The following CCDC73 variants were observed in gnomAD, a reference collection of about 807,000 sequenced individuals.
The protein encoded by CCDC73 is coiled-coil domain-containing protein 73.
In CCDC73, 95 loss-of-function variants were observed where a neutral mutation model predicts 116.5. The ratio of observed to expected loss-of-function variants is 0.82; its 90% confidence interval spans 0.69 to 0.97. The LOEUF (loss-of-function observed/expected upper bound fraction) is 0.97. Among genes scored for constraint, CCDC73 ranks in the 50% least tolerant of loss-of-function variants. The probability of loss-of-function intolerance (pLI) is 0.00; values close to 1 mark genes in which losing one functional copy is unlikely to be tolerated. For synonymous variants in CCDC73, 398 were observed against 401.3 expected (o/e 0.99, Z 0.10); for missense variants, 1,066 against 1,206.8 (o/e 0.88, Z 1.73).
At chr11:32,825,895 A>T in the CCDC73 span, among the ~76,000 whole-genome samples, 2 of 152,174 alleles carry the variant, frequency 1.3e-5, no homozygotes, top group Admixed American at 1.3e-4. Context: ...CAGCCATGAC[A>T]CAAGTCCCTG....
In CCDC73 at chr11:32,616,088, A is replaced by C; in HGVS notation, c.1227T>G (p.Thr409=). The stretch of plus-strand genomic sequence containing the variant: ...GTATAATGGTGTTTTCTGATTTTTC[A>C]GTTGACATTTCACTGTTTTCATTAT... ...EVNNENSEMS[T]EKSENTIIQK... is the part of the protein sequence containing the mutation. The change falls in exon 15 of 18, where the codon ACT becomes ACG. Residue 409 remains threonine, a synonymous_variant. Coordinates refer to ENST00000335185, the MANE Select transcript of CCDC73 (RefSeq NM_001008391.4). 6.3e-7 allele frequency: 1 copy of C among 1,583,984 alleles called. No individual in the cohort carries two copies. The highest frequency in any genetic ancestry group is 1.2e-5 in the South Asian group (1 of 84,444).
At chr11:32,723,761 G>T (rs1565085221) in intron 2 of CCDC73, among the ~76,000 whole-genome samples, 1 of 151,902 alleles carries the variant, frequency 6.6e-6, no homozygotes, top group Admixed American at 6.6e-5. Context: ...TAGTCCTAAG[G>T]CATCTAATAA....
At chr11:32,769,263 A>C (rs1228671075) in intron 1 of CCDC73, among the ~76,000 whole-genome samples, 1 of 152,200 alleles carries the variant, frequency 6.6e-6, no homozygotes, top group African/African-American at 2.4e-5. Flanking sequence ...CAGGATTCTT[A>C]GGATTGCTAA....
intron 3 of CCDC73, among the ~76,000 whole-genome samples, chr11:32,716,260 C>T (rs1849943395): frequency 6.6e-6 from 1 of 152,106 alleles, no homozygotes; most frequent in Non-Finnish European, 1.5e-5. Flanking sequence ...TGGAATCCAG[C>T]TCTAATACCA....
intron 9 of CCDC73, among the ~76,000 whole-genome samples, chr11:32,661,840 C>T (rs779762880): frequency 3.3e-5 from 5 of 152,040 alleles, no homozygotes; most frequent in Admixed American, 6.6e-5. Flanking sequence ...CCCTCTCCCC[C>T]GACCCCACAA....
rs541178762 is a variant in CCDC73, at chr11:32,794,628, C to G, written c.-31G>C. 2 of 152,454 alleles carry G rather than the reference C, an allele frequency of 1.3e-5. No homozygotes were observed. Among genetic ancestry groups the G allele is most frequent in the South Asian group, 4.1e-4 (2 of 4,832 alleles). The allele number at this position is 152,454 out of a possible 1,614,324, so 9.4% of individuals were successfully genotyped here. A position where few individuals can be genotyped will look rare whatever the true frequency, so the allele number is the denominator to read the frequency against. On this transcript the variant is annotated 5_prime_UTR_variant, in exon 1 of 18. Coordinates refer to ENST00000335185, the MANE Select transcript of CCDC73 (RefSeq NM_001008391.4). Reference sequence around the variant, plus strand: ...TCCGACTTACCTCAGCGAAGCGCGCCTCTAGCTCCTGTTGGCCCTTCCGGT... The same window carrying G: ...TCCGACTTACCTCAGCGAAGCGCGCGTCTAGCTCCTGTTGGCCCTTCCGGT...
chr11:32,716,538 T>C (rs1367520510), intron 3 of CCDC73, among the ~76,000 whole-genome samples: 2 of 152,198 alleles, frequency 1.3e-5, no homozygotes, highest in Non-Finnish European at 2.9e-5. Context: ...GTACCAAAAA[T>C]ATGTTCTTGA....
At chr11:32,753,023 GCC>G (rs796475072) in intron 2 of CCDC73, among the ~76,000 whole-genome samples, 54 of 152,166 alleles carry the variant, frequency 3.5e-4, no homozygotes, top group African/African-American at 1.2e-3. Context: ...GCCCAGGCTG[GCC>G]TCCAACTCCT....
intron 9 of CCDC73, among the ~76,000 whole-genome samples, chr11:32,668,173 A>G (rs567649648): frequency 1.3e-5 from 2 of 152,356 alleles, no homozygotes; most frequent in African/African-American, 4.8e-5. Context: ...TGTAATTGCT[A>G]CAGCTGCACT....
At chr11:32,696,256 G>A (rs930429590) in intron 6 of CCDC73, among the ~76,000 whole-genome samples, 11 of 152,076 alleles carry the variant, frequency 7.2e-5, no homozygotes, top group African/African-American at 2.4e-4. Flanking sequence ...TCTAAAAATG[G>A]AAACCAACAG....
At chr11:32,750,447 G>C (rs1190869130) in intron 2 of CCDC73, among the ~76,000 whole-genome samples, 1 of 152,208 alleles carries the variant, frequency 6.6e-6, no homozygotes, top group Non-Finnish European at 1.5e-5. Context: ...CTGTCCCTGA[G>C]CTCTAGGCAG....
chr11:32,628,349 A>G (rs1855595967), intron 14 of CCDC73, among the ~76,000 whole-genome samples: 1 of 152,214 alleles, frequency 6.6e-6, no homozygotes, highest in Non-Finnish European at 1.5e-5. Flanking sequence ...ACTGGCTGTA[A>G]TTTGTGAGGC....
chr11:32,705,113 C>T (rs968698436), intron 3 of CCDC73, among the ~76,000 whole-genome samples: 9 of 152,182 alleles, frequency 5.9e-5, no homozygotes, highest in Non-Finnish European at 8.8e-5. Context: ...GCTGGGTGGC[C>T]GCACCATTCA....
At position 32,628,153 on chromosome 11, in the gene CCDC73, T is replaced by G. The variant is rs112918772; in HGVS notation, c.1185+7543A>C. Among the ~76,000 whole-genome samples the G allele has an allele frequency of 2.9e-3, 448 of 152,232 alleles. 1 individual carries two copies. The highest frequency in any genetic ancestry group is 7.5e-3 in the Admixed American group (115 of 15,284). On this transcript the variant is annotated intron_variant, in intron 14 of 17. Coordinates refer to ENST00000335185, the MANE Select transcript of CCDC73 (RefSeq NM_001008391.4). ...ATACAGTGTATGAAACAACAGTTTT[T>G]AGACAATGAACTACAAACAGGGAAA...
chr11:32,795,007 A>T (rs1850712197), upstream of CCDC73, among the ~76,000 whole-genome samples: 1 of 151,602 alleles, frequency 6.6e-6, no homozygotes, highest in Non-Finnish European at 1.5e-5. Context: ...TCGTTTTTTA[A>T]AAAAAAAGTC....
At chr11:32,757,229 G>C (rs570119151) in intron 2 of CCDC73, among the ~76,000 whole-genome samples, 1 of 151,864 alleles carries the variant, frequency 6.6e-6, no homozygotes, top group African/African-American at 2.4e-5. Context: ...TAAAAATCTA[G>C]AACAGAGATA....
At position 32,728,949 on chromosome 11, in the gene CCDC73, C is replaced by G. The variant is rs1297919441; in HGVS notation, c.136-10802G>C. ...TGAACTCCTGACCTCAGGTGATTCACCCGCCTTGGCCTTCCAAAGTGCTGG... is the reference window on the plus strand; with the variant it reads ...TGAACTCCTGACCTCAGGTGATTCAGCCGCCTTGGCCTTCCAAAGTGCTGG... On this transcript the variant is annotated intron_variant, in intron 2 of 17. Transcript: ENST00000335185. 2.6e-5 allele frequency among the ~76,000 whole-genome samples: 4 copies of G among 152,052 alleles called. No homozygotes were observed. In the East Asian group the frequency reaches 7.7e-4, roughly 29 times the overall value.
chr11:32,736,764 A>G (rs1007872144), intron 2 of CCDC73, among the ~76,000 whole-genome samples: 18 of 152,044 alleles, frequency 1.2e-4, no homozygotes, highest in Admixed American at 9.2e-4. Context: ...ACCAACCCAG[A>G]TGTCCATCAA....
chr11:32,781,919 T>C (rs1479911846), intron 1 of CCDC73, among the ~76,000 whole-genome samples: 1 of 152,070 alleles, frequency 6.6e-6, no homozygotes, highest in Non-Finnish European at 1.5e-5. Context: ...CAGCAGGAGG[T>C]GAGCGATGGC....
Sources: allele counts gnomAD v4.1 joint callset (sites outside exome capture counted in the v4.1 genomes callset), GRCh38; gene constraint gnomAD v4.1.1; transcripts MANE v1.5; gene names NCBI Gene and HGNC (gene_info 2026-07-23, HGNC 2026-07-21).